RTN4IP1: variants seen among roughly 807,000 people sequenced by gnomAD.
The protein encoded by RTN4IP1 is reticulon 4 interacting protein 1, also known as NAD(P)H oxidoreductase RTN4IP1, mitochondrial.
Under a neutral mutation model 46.6 loss-of-function variants are expected in RTN4IP1, and 32 were observed. That is an observed-to-expected ratio of 0.69 (90% CI 0.52 to 0.92). The LOEUF (loss-of-function observed/expected upper bound fraction) is 0.92. RTN4IP1 is among the 40% of genes least tolerant of loss of function. The pLI is 0.00. For synonymous variants in RTN4IP1, 167 were observed against 161.8 expected (o/e 1.03, Z -0.24); for missense variants, 424 against 485.8 (o/e 0.87, Z 1.20).
In RTN4IP1 at chr6:106,572,629, T is replaced by C. The variant is rs548332446; in HGVS notation, c.1084-526A>G. ...CCTTTCAACTCCCACAGGAACCATG[T>C]GGCCTTCCTCACAGACTGTACTTGT... is the stretch of plus-strand genomic sequence containing the variant. On this transcript the variant is annotated intron_variant, in intron 8 of 8. Transcript: ENST00000369063. Among the ~76,000 whole-genome samples, 7 of 152,324 alleles carry C rather than the reference T, an allele frequency of 4.6e-5. No individual in the cohort carries two copies. The East Asian group carries it at 9.6e-4, about 21-fold the overall frequency.
At position 106,583,365 on chromosome 6, in the gene RTN4IP1, C is replaced by T; in HGVS notation, c.1046G>A (p.Cys349Tyr). ...RWAFFMASGPCLDDIAELVDA... is the reference protein window; with the variant it reads ...RWAFFMASGPYLDDIAELVDA... ...CACCAGTTCTGCAATGTCATCTAAA[C>T]ATGGGCCACTGGCCATGAAAAATGC... The change falls in exon 8 of 9, where the codon TGT becomes TAT. Residue 349 changes from cysteine (C) to tyrosine (Y), a missense_variant. By Grantham distance (194) the Cys-to-Tyr change is radical. Coordinates refer to ENST00000369063, the MANE Select transcript of RTN4IP1 (RefSeq NM_032730.5). 2 of 1,613,822 alleles carry T rather than the reference C, an allele frequency of 1.2e-6. No individual in the cohort carries two copies. Among genetic ancestry groups the T allele is most frequent in the Non-Finnish European group, 1.7e-6 (2 of 1,179,798 alleles).
At chr6:106,600,986 T>G (rs774710478) in intron 5 of RTN4IP1, among the ~76,000 whole-genome samples, 1 of 152,142 alleles carries the variant, frequency 6.6e-6, no homozygotes, top group Admixed American at 6.5e-5. Flanking sequence ...AATTCTATGT[T>G]TAACATTTTG....
chr6:106,594,857 G>C (rs982585984), intron 5 of RTN4IP1, among the ~76,000 whole-genome samples: 3 of 152,100 alleles, frequency 2.0e-5, no homozygotes, highest in African/African-American at 7.2e-5. Context: ...CTAGAGTGCA[G>C]TGGCATGATC....
rs768113641 is a variant in RTN4IP1 at position 106,622,982 on chromosome 6, A to G, written c.275-13T>C. 5.0e-6 allele frequency: 8 copies of G among 1,612,446 alleles called. No individual in the cohort carries two copies. The highest frequency in any genetic ancestry group is 5.9e-6 in the Non-Finnish European group (7 of 1,178,816). On this transcript the variant is annotated splice_polypyrimidine_tract_variant and intron_variant, in intron 1 of 8. Coordinates refer to ENST00000369063, the MANE Select transcript of RTN4IP1 (RefSeq NM_032730.5). Reference sequence around the variant, plus strand: ...GCTCCATAACCACCTGTAAAATACAATTTATCTGTTTCCTCCAAATGTAAG... The same window carrying G: ...GCTCCATAACCACCTGTAAAATACAGTTTATCTGTTTCCTCCAAATGTAAG...
At position 106,629,138 on chromosome 6, in the gene RTN4IP1, T is replaced by C; in HGVS notation, c.-117A>G. ...CACGGGCTAGTTTCAAAATTAAGCA[T>C]GCAAAACGGAGCATTCGAAAATGAA... is the stretch of plus-strand genomic sequence containing the variant. On this transcript the variant is annotated 5_prime_UTR_variant, in exon 1 of 9. An upstream start codon of the reference 5' UTR is lost. Transcript: ENST00000369063. 2 of 942,866 alleles carry C rather than the reference T, an allele frequency of 2.1e-6. No individual in the cohort carries two copies. Among genetic ancestry groups the C allele is most frequent in the Non-Finnish European group, 1.6e-6 (1 of 631,612 alleles). The allele number at this position is 942,866 out of a possible 1,614,324, so 58.4% of individuals were successfully genotyped here.
rs375209953 is a variant in RTN4IP1 at position 106,588,877 on chromosome 6, G to A, written c.807-1015C>T. On this transcript the variant is annotated intron_variant, in intron 6 of 8. Coordinates refer to ENST00000369063, the MANE Select transcript of RTN4IP1 (RefSeq NM_032730.5). ...TGTAATCCCAGGACTTTGGGAGGCC[G>A]AGTCGGGTGGATCACCTGAGGTCAG... is the stretch of plus-strand genomic sequence containing the variant. 5.6e-4 allele frequency among the ~76,000 whole-genome samples: 85 copies of A among 152,014 alleles called. 1 individual carries two copies. The highest frequency in any genetic ancestry group is 1.9e-3 in the African/African-American group (77 of 41,496).
At chr6:106,628,709 T>C in intron 1 of RTN4IP1, 39 bp downstream of exon 1, 4 of 1,560,902 alleles carry the variant, frequency 2.6e-6, no homozygotes, top group African/African-American at 1.4e-5. Context: ...ATGAAAGTGA[T>C]TTTTTTAAAA....
chr6:106,607,285 A>T (rs1465415266), intron 4 of RTN4IP1, among the ~76,000 whole-genome samples: 1 of 151,148 alleles, frequency 6.6e-6, no homozygotes, highest in African/African-American at 2.5e-5. Context: ...ATAAGACCCA[A>T]AAAAAAACTA....
At chr6:106,600,697 A>G (rs1453634844) in intron 5 of RTN4IP1, among the ~76,000 whole-genome samples, 2 of 151,816 alleles carry the variant, frequency 1.3e-5, no homozygotes, top group Admixed American at 1.3e-4. Context: ...TTGTTTCTGG[A>G]TTTTTCTCAC....
In RTN4IP1 at chr6:106,592,292, T is replaced by C; in HGVS notation, c.678A>G (p.Lys226=). The C allele has an allele frequency of 6.2e-7, 1 of 1,613,082 alleles. No individual in the cohort carries two copies. Among genetic ancestry groups the C allele is most frequent in the Non-Finnish European group, 8.5e-7 (1 of 1,179,782 alleles). ...CTGCTGTCACATGAGCATCCCATGCTTTCATTACCTGCCCCCCACCAAAAA... is the reference window on the plus strand; with the variant it reads ...CTGCTGTCACATGAGCATCCCATGCCTTCATTACCTGCCCCCCACCAAAAA... ...GVGTFAIQVM[K]AWDAHVTAVC... is the part of the protein sequence containing the mutation. The change falls in exon 6 of 9, where the codon AAA becomes AAG. Residue 226 remains lysine, a synonymous_variant. Coordinates refer to ENST00000369063, the MANE Select transcript of RTN4IP1 (RefSeq NM_032730.5).
At chr6:106,593,794 T>C (rs1222096907) in intron 5 of RTN4IP1, among the ~76,000 whole-genome samples, 3 of 152,218 alleles carry the variant, frequency 2.0e-5, no homozygotes, top group Admixed American at 6.5e-5. Flanking sequence ...TGATATGATA[T>C]ACAATTTATT....
chr6:106,628,873 T>C lies in RTN4IP1; in HGVS notation c.149A>G (p.Lys50Arg). 6.2e-7 allele frequency: 1 copy of C among 1,614,190 alleles called. No individual in the cohort carries two copies. Among genetic ancestry groups the C allele is most frequent in the Non-Finnish European group, 8.5e-7 (1 of 1,180,020 alleles). Reference protein sequence around the residue: ...STVMPAWVIDKYGKNEVLRFT... With the variant: ...STVMPAWVIDRYGKNEVLRFT... ...TCGAAGCACTTCATTCTTCCCATAT[T>C]TATCTATCACCCAAGCAGGCATGAC... The change falls in exon 1 of 9, where the codon AAA (lysine) becomes AGA (arginine). Residue 50 changes from lysine to arginine, a missense_variant. Coordinates refer to ENST00000369063, the MANE Select transcript of RTN4IP1 (RefSeq NM_032730.5).
At chr6:106,626,294 T>C (rs1776640953) in intron 1 of RTN4IP1, among the ~76,000 whole-genome samples, 1 of 152,070 alleles carries the variant, frequency 6.6e-6, no homozygotes, top group Admixed American at 6.5e-5. Flanking sequence ...TGATGGCCAT[T>C]ATACCAACAT....
intron 4 of RTN4IP1, among the ~76,000 whole-genome samples, chr6:106,609,541 T>G (rs918919940): frequency 2.0e-5 from 3 of 152,064 alleles, no homozygotes; most frequent in African/African-American, 7.2e-5. Context: ...AAAAAAGAAA[T>G]CATCCAATCA....
chr6:106,629,218 G>C lies in RTN4IP1; in HGVS notation c.-197C>G. On this transcript the variant is annotated 5_prime_UTR_variant, in exon 1 of 9. Coordinates refer to ENST00000369063, the MANE Select transcript of RTN4IP1 (RefSeq NM_032730.5). The stretch of plus-strand genomic sequence containing the variant: ...ATACGGAACTGTTATTCCGCTCTTC[G>C]CATATGAAATGCTCGAATTAACGTT... 1.7e-6 allele frequency: 1 copy of C among 591,490 alleles called. No homozygotes were observed. The allele number at this position is 591,490 out of a possible 1,614,324, so 36.6% of individuals were successfully genotyped here. A position where few individuals can be genotyped will look rare whatever the true frequency, so the allele number is the denominator to read the frequency against.
intron 2 of RTN4IP1, among the ~76,000 whole-genome samples, chr6:106,621,834 T>C (rs540817660): frequency 6.6e-6 from 1 of 152,314 alleles, no homozygotes; most frequent in South Asian, 2.1e-4. Context: ...ATCTGTAAAC[T>C]GGGCCTAACT....
chr6:106,580,695 G>A (rs947410605), intron 8 of RTN4IP1, among the ~76,000 whole-genome samples: 3 of 150,142 alleles, frequency 2.0e-5, no homozygotes, highest in South Asian at 2.1e-4. Flanking sequence ...CTCCAGCCTC[G>A]GCGACAGAGC....
intron 8 of RTN4IP1, among the ~76,000 whole-genome samples, chr6:106,578,554 G>A (rs1202324664): frequency 6.6e-6 from 1 of 152,216 alleles, no homozygotes; most frequent in Non-Finnish European, 1.5e-5. Flanking sequence ...CTGTAGGCAT[G>A]AGGCACGTCA....
intron 1 of RTN4IP1, among the ~76,000 whole-genome samples, chr6:106,625,664 T>TTC (rs200783028): frequency 5.0e-4 from 67 of 134,300 alleles, no homozygotes; most frequent in Admixed American, 2.6e-3. Flanking sequence ...TTTTTTTCTT[T>TTC]TTTTTTTTTT....
Sources: gnomAD v4.1 joint callset for allele counts (sites outside exome capture counted in the v4.1 genomes callset) on GRCh38, gnomAD v4.1.1 for gene constraint, MANE v1.5 for transcripts, NCBI Gene and HGNC (gene_info 2026-07-23, HGNC 2026-07-21) for gene names.